Variants in UNC13B observed in about 807,000 individuals in gnomAD.
UNC13B encodes the protein unc-13 homolog B, also known as protein unc-13 homolog B.
Under a neutral mutation model 211.0 loss-of-function variants are expected in UNC13B, and 144 were observed. The observed-to-expected ratio is 0.68, with a 90% CI of 0.60 to 0.78. UNC13B has a LOEUF of 0.78. Among genes scored for constraint, UNC13B ranks in the 30% least tolerant of loss-of-function variants. The pLI is 0.00. For synonymous variants in UNC13B, 709 were observed against 725.8 expected (o/e 0.98, Z 0.37); for missense variants, 1,777 against 2,002.0 (o/e 0.89, Z 2.14).
chr9:35,282,616 G>A (rs966278051), intron 7 of UNC13B, among the ~76,000 whole-genome samples: 1 of 151,990 alleles, frequency 6.6e-6, no homozygotes, highest in African/African-American at 2.4e-5. Context: ...TGTATTTTTA[G>A]TAGAGATGGG....
chr9:35,244,582 T>C (rs963418120), intron 6 of UNC13B, among the ~76,000 whole-genome samples: 1 of 152,178 alleles, frequency 6.6e-6, no homozygotes, highest in Non-Finnish European at 1.5e-5. Flanking sequence ...TGGCAGTCCT[T>C]GCTGTTCCTT....
Position 35,386,150 on chromosome 9 carries a change from T to C in UNC13B, c.10966-15T>C. The C allele has an allele frequency of 1.2e-6, 2 of 1,614,072 alleles. No homozygotes were observed. Among genetic ancestry groups the C allele is most frequent in the Non-Finnish European group, 1.7e-6 (2 of 1,179,962 alleles). On this transcript the variant is annotated splice_polypyrimidine_tract_variant and intron_variant, in intron 23 of 39. Transcript: ENST00000635942. Reference sequence around the variant, plus strand: ...AGCAGGTCCTTGGGCCCATATTTCTTCTTTTAATTGGCAGGTACAAGAACT... The same window carrying C: ...AGCAGGTCCTTGGGCCCATATTTCTCCTTTTAATTGGCAGGTACAAGAACT...
At chr9:35,193,457 A>G (rs543006871) in intron 1 of UNC13B, among the ~76,000 whole-genome samples, 8 of 151,962 alleles carry the variant, frequency 5.3e-5, no homozygotes, top group Admixed American at 3.3e-4. Context: ...GACCAGCCTG[A>G]CCAACATGGT....
intron 22 of UNC13B, 73 bp downstream of exon 22, chr9:35,384,387 T>A (rs1404527843): frequency 6.5e-7 from 1 of 1,546,854 alleles, no homozygotes; most frequent in Admixed American, 1.8e-5. Context: ...AGGCCAATCT[T>A]GGCTATAAAG....
At chr9:35,221,258 C>T (rs559178591) in intron 1 of UNC13B, among the ~76,000 whole-genome samples, 14 of 152,080 alleles carry the variant, frequency 9.2e-5, no homozygotes, top group South Asian at 8.3e-4. Context: ...TTGGTAAAGA[C>T]GAGTTTTCAC....
chr9:35,346,193 G>A (rs984467996), intron 11 of UNC13B, among the ~76,000 whole-genome samples: 2 of 152,040 alleles, frequency 1.3e-5, no homozygotes, highest in African/African-American at 4.8e-5. Context: ...ATTGATATAT[G>A]GCCCAGAAAT....
intron 8 of UNC13B, among the ~76,000 whole-genome samples, chr9:35,298,607 A>G (rs1180367589): frequency 6.6e-6 from 1 of 152,182 alleles, no homozygotes; most frequent in Non-Finnish European, 1.5e-5. Flanking sequence ...GGTGAGAGCC[A>G]CTGCACCTGG....
At position 35,306,718 on chromosome 9, in the gene UNC13B, G is replaced by A. The variant is rs563555040; in HGVS notation, c.7314G>A (p.Gln2438=). ...SPEPGCAGNL[Q]NQDADKEEDK... Reference sequence around the variant, plus strand: ...AGCCAGGGTGTGCAGGGAACCTTCAGAACCAAGATGCAGATAAAGAGGAAG... The same window carrying A: ...AGCCAGGGTGTGCAGGGAACCTTCAAAACCAAGATGCAGATAAAGAGGAAG... The change falls in exon 9 of 40, where the codon CAG becomes CAA. Residue 2438 remains glutamine, a synonymous_variant. Coordinates refer to ENST00000635942, the MANE Select transcript of UNC13B (RefSeq NM_001371189.2). 2.5e-6 allele frequency: 1 copy of A among 399,014 alleles called. No homozygotes were observed. Among genetic ancestry groups the A allele is most frequent in the African/African-American group, 2.1e-5 (1 of 48,732 alleles). 24.7% of individuals were successfully genotyped at this position (399,014 alleles called of 1,614,324 possible). A position where few individuals can be genotyped will look rare whatever the true frequency, so the allele number is the denominator to read the frequency against.
chr9:35,332,139 G>A (rs915232456), intron 11 of UNC13B, among the ~76,000 whole-genome samples: 13 of 152,134 alleles, frequency 8.5e-5, no homozygotes, highest in African/African-American at 3.1e-4. Flanking sequence ...GAGCCACCAC[G>A]TCTGGCTAAT....
In UNC13B at chr9:35,307,363, A is replaced by C. The variant is rs1001196314; in HGVS notation, c.7959A>C (p.Ala2653=). 8 of 398,958 alleles carry C rather than the reference A, an allele frequency of 2.0e-5. No individual in the cohort carries two copies. Among genetic ancestry groups the C allele is most frequent in the Non-Finnish European group, 3.5e-5 (8 of 226,118 alleles). The allele number at this position is 398,958 out of a possible 1,614,324, so 24.7% of individuals were successfully genotyped here. A position where few individuals can be genotyped will look rare whatever the true frequency, so the allele number is the denominator to read the frequency against. Residue 2653 remains alanine, a synonymous_variant, in exon 9 of 40, where the codon GCA becomes GCC. Coordinates refer to ENST00000635942, the MANE Select transcript of UNC13B (RefSeq NM_001371189.2). The part of the protein sequence containing the change: ...SLEAENFALP[A]QLHPDPTCIA... ...AAGCAGAGAACTTTGCGCTGCCAGC[A>C]CAGTTGCATCCAGATCCTACCTGCA...
chr9:35,246,662 G>C (rs1273555117), intron 6 of UNC13B, among the ~76,000 whole-genome samples: 3 of 152,186 alleles, frequency 2.0e-5, no homozygotes, highest in Non-Finnish European at 4.4e-5. Flanking sequence ...GATGGTTGTA[G>C]ATGTGTGGTA....
At chr9:35,309,222 A>AGTGT (rs5897599) in intron 9 of UNC13B, among the ~76,000 whole-genome samples, 41 of 145,250 alleles carry the variant, frequency 2.8e-4, no homozygotes, top group African/African-American at 6.1e-4. Flanking sequence ...GGTCAGGGTC[A>AGTGT]GTGTGTGTGT....
intron 13 of UNC13B, among the ~76,000 whole-genome samples, chr9:35,372,271 C>CCAAACAAA (rs572411831): frequency 6.6e-6 from 1 of 152,186 alleles, no homozygotes; most frequent in Non-Finnish European, 1.5e-5. Context: ...GACTCTGTCT[C>CCAAACAAA]CAAACAAACA....
intron 11 of UNC13B, among the ~76,000 whole-genome samples, chr9:35,314,989 A>G (rs906146557): frequency 1.5e-5 from 2 of 135,222 alleles, no homozygotes; most frequent in African/African-American, 5.7e-5. Context: ...CAATCCTCCT[A>G]CCTGTGCCTC....
At chr9:35,249,283 CATT>C (rs2131583649) in intron 6 of UNC13B, among the ~76,000 whole-genome samples, 1 of 152,266 alleles carries the variant, frequency 6.6e-6, no homozygotes, top group South Asian at 2.1e-4. Flanking sequence ...GAGTACAGCA[CATT>C]GATGAGTCTT....
At chr9:35,368,814 TA>T (rs530406191) in intron 12 of UNC13B, among the ~76,000 whole-genome samples, 19 of 149,634 alleles carry the variant, frequency 1.3e-4, no homozygotes, top group East Asian at 1.9e-4. Context: ...CATTTATGTT[TA>T]AAAAAAAAAC....
chr9:35,273,536 A>G (rs1828009328), intron 7 of UNC13B, among the ~76,000 whole-genome samples: 1 of 152,162 alleles, frequency 6.6e-6, no homozygotes, highest in Non-Finnish European at 1.5e-5. Flanking sequence ...CTTGGTCTCC[A>G]TCTAAAACTG....
intron 5 of UNC13B, among the ~76,000 whole-genome samples, chr9:35,242,536 G>A (rs529044957): frequency 6.6e-5 from 10 of 152,226 alleles, no homozygotes; most frequent in African/African-American, 2.2e-4. Context: ...AAATCATACA[G>A]TATTTGTCTT....
At chr9:35,353,325 A>G in intron 11 of UNC13B, 1 of 1,232,184 alleles carries the variant, frequency 8.1e-7, no homozygotes, top group Non-Finnish European at 1.0e-6. Context: ...GGTGTGTTTC[A>G]GAAGCTGGAG....
Sources: gnomAD v4.1 joint callset for allele counts (sites outside exome capture counted in the v4.1 genomes callset) on GRCh38, gnomAD v4.1.1 for gene constraint, MANE v1.5 for transcripts, NCBI Gene and HGNC (gene_info 2026-07-23, HGNC 2026-07-21) for gene names.